CCSAP: variants seen among roughly 807,000 people sequenced by gnomAD.
The protein encoded by CCSAP is centriole, cilia and spindle-associated protein.
In CCSAP, 17 loss-of-function variants were observed where a neutral mutation model predicts 25.9. That is an observed-to-expected ratio of 0.66 (90% CI 0.45 to 0.99). The LOEUF (loss-of-function observed/expected upper bound fraction) is 0.99, where lower values mean the gene tolerates loss of function less well. Ranked by LOEUF, CCSAP falls within the 50% of genes least tolerant of loss-of-function variation. The pLI is 0.00. For synonymous variants in CCSAP, 169 were observed against 157.1 expected, an observed-to-expected ratio of 1.08 and a Z score of -0.57; for missense variants, 339 against 367.8, an observed-to-expected ratio of 0.92 and a Z score of 0.64.
In CCSAP at chr1:229,327,362, T is replaced by G. The variant is rs1232039568; in HGVS notation, c.368-356A>C. The G allele has an allele frequency of 1.4e-5, 5 of 362,188 alleles. No homozygotes were observed. The Admixed American group carries it at 1.4e-4, about 10-fold the overall frequency. The allele number at this position is 362,188 out of a possible 1,614,324, so 22.4% of individuals were successfully genotyped here. On this transcript the variant is annotated intron_variant, in intron 2 of 3. Coordinates refer to ENST00000284617, the MANE Select transcript of CCSAP (RefSeq NM_145257.5). ...ATAAATCCAATCATCTCAATTTTGC[T>G]TTCCTTCACGGAAAGATCTGGATTT...
intron 2 of CCSAP, among the ~76,000 whole-genome samples, chr1:229,337,259 C>A: frequency 6.7e-6 from 1 of 149,872 alleles, no homozygotes; most frequent in African/African-American, 2.5e-5. Context: ...AAGTTTCCAA[C>A]AAAACAACAA....
At chr1:229,333,259 C>G (rs151461) in intron 2 of CCSAP, among the ~76,000 whole-genome samples, 8 of 151,796 alleles carry the variant, frequency 5.3e-5, no homozygotes, top group South Asian at 2.1e-4. Flanking sequence ...GGTGAAACCC[C>G]GTCTCTACTA....
chr1:229,322,613 T>C lies in CCSAP; in HGVS notation c.*2622A>G, dbSNP rs1657851949. 6.6e-6 allele frequency: 1 copy of C among 152,174 alleles called. No individual in the cohort carries two copies. The highest frequency in any genetic ancestry group is 1.5e-5 in the Non-Finnish European group (1 of 68,016). 9.4% of individuals were successfully genotyped at this position (152,174 alleles called of 1,614,324 possible). Reference sequence around the variant, plus strand: ...GAAATTTTAGGGGGGAGAACACACATAACATACATATAACCAGAGGTGCCA... The same window carrying C: ...GAAATTTTAGGGGGGAGAACACACACAACATACATATAACCAGAGGTGCCA... On this transcript the variant is annotated 3_prime_UTR_variant, in exon 4 of 4. Transcript: ENST00000284617.
At chr1:229,338,024 T>C (rs1167462279) in intron 2 of CCSAP, among the ~76,000 whole-genome samples, 1 of 151,262 alleles carries the variant, frequency 6.6e-6, no homozygotes, top group Admixed American at 6.6e-5. Context: ...CAGAATATAT[T>C]ACATGGCTCA....
chr1:229,339,003 A>G (rs1658268331), intron 2 of CCSAP, among the ~76,000 whole-genome samples: 1 of 151,982 alleles, frequency 6.6e-6, no homozygotes, highest in African/African-American at 2.4e-5. Context: ...ACAATAAAAG[A>G]TGAAAATCTG....
At chr1:229,341,777 C>CA (rs1658339171) in intron 2 of CCSAP, among the ~76,000 whole-genome samples, 2 of 152,026 alleles carry the variant, frequency 1.3e-5, no homozygotes, top group African/African-American at 4.8e-5. Flanking sequence ...AGATGGGACT[C>CA]AGTGGTTCGC....
Position 229,322,642 on chromosome 1 carries a change from A to AT in CCSAP, c.*2592dup, listed in dbSNP as rs1372302081. The AT allele has an allele frequency of 6.6e-6, 1 of 152,210 alleles. No homozygotes were observed. Among genetic ancestry groups the AT allele is most frequent in the Non-Finnish European group, 1.5e-5 (1 of 68,032 alleles). The allele number at this position is 152,210 out of a possible 1,614,324, so 9.4% of individuals were successfully genotyped here. A position where few individuals can be genotyped will look rare whatever the true frequency, so the allele number is the denominator to read the frequency against. On this transcript the variant is annotated 3_prime_UTR_variant, in exon 4 of 4. Coordinates refer to ENST00000284617, the MANE Select transcript of CCSAP (RefSeq NM_145257.5). ...ATACATATAACCAGAGGTGCCAAGT[A>AT]TTTTAACATCTCCTAACTAAGGGCA...
rs374954717 is a variant in CCSAP, at chr1:229,342,205, C to T, written c.261G>A (p.Pro87=). 1 of 1,257,880 alleles carries T rather than the reference C, an allele frequency of 7.9e-7. No individual in the cohort carries two copies. The allele number at this position is 1,257,880 out of a possible 1,614,324, so 77.9% of individuals were successfully genotyped here. A position where few individuals can be genotyped will look rare whatever the true frequency, so the allele number is the denominator to read the frequency against. The change falls in exon 2 of 4, where the codon CCG becomes CCA. Residue 87 remains proline, a synonymous_variant. Coordinates refer to ENST00000284617, the MANE Select transcript of CCSAP (RefSeq NM_145257.5). This position sits in a 1 kb window ranked among gnomAD's most constrained non-coding sequence, Gnocchi z 7.5. ...GCCGTTCCGCCTCCTCCTGGGTCGC[C>T]GGCTCTACGGGCGGCGGGGGCGAGG... ...APPSPPPPVE[P]ATQEEAERRA... is the part of the protein sequence containing the mutation.
chr1:229,327,171 A>AT, intron 2 of CCSAP, 165 bp from the exon 3 acceptor site: 1 of 588,972 alleles, frequency 1.7e-6, no homozygotes, highest in Non-Finnish European at 2.8e-6. Context: ...AGTTAGCATA[A>AT]TTTTCAAACC....
chr1:229,325,204 T>C lies in CCSAP; in HGVS notation c.*31A>G. 1.9e-6 allele frequency: 3 copies of C among 1,552,844 alleles called. No individual in the cohort carries two copies. The highest frequency in any genetic ancestry group is 1.7e-4 in the Middle Eastern group (1 of 5,796). On this transcript the variant is annotated 3_prime_UTR_variant, in exon 4 of 4. Coordinates refer to ENST00000284617, the MANE Select transcript of CCSAP (RefSeq NM_145257.5). ...TTTTTCCTTTCAGTCATTTACACTT[T>C]TTAAAAGAGGCTGTCCACGCAAGTG...
intron 2 of CCSAP, among the ~76,000 whole-genome samples, chr1:229,332,127 G>C (rs1455025082): frequency 6.6e-6 from 1 of 152,160 alleles, no homozygotes; most frequent in Non-Finnish European, 1.5e-5. Flanking sequence ...ACAGGCGTGA[G>C]CCACTGCGCC....
At chr1:229,338,568 C>G (rs577460735) in intron 2 of CCSAP, among the ~76,000 whole-genome samples, 15 of 150,788 alleles carry the variant, frequency 9.9e-5, no homozygotes, top group Non-Finnish European at 1.8e-4. Context: ...CACACACACA[C>G]ACACACAGAA....
intron 3 of CCSAP, 145 bp downstream of exon 3, chr1:229,326,593 T>C (rs1480922071): frequency 4.3e-6 from 4 of 930,582 alleles, no homozygotes; most frequent in Middle Eastern, 3.4e-4. Context: ...CATTCTGGAG[T>C]TCCCCAACCC....
chr1:229,338,538 A>AATACACAC (rs112991384), intron 2 of CCSAP, among the ~76,000 whole-genome samples: 22 of 141,906 alleles, frequency 1.6e-4, no homozygotes, highest in African/African-American at 5.0e-4. Context: ...CCCAAACCCC[A>AATACACAC]ACACACACAC....
At chr1:229,327,553 C>T (rs1291712731) in intron 2 of CCSAP, 1 of 456,262 alleles carries the variant, frequency 2.2e-6, no homozygotes, top group Non-Finnish European at 4.4e-6. Context: ...CGCAGCCAGG[C>T]ATTCCCTGTG....
intron 2 of CCSAP, among the ~76,000 whole-genome samples, chr1:229,335,968 A>T (rs1658186899): frequency 6.6e-6 from 1 of 152,098 alleles, no homozygotes; most frequent in African/African-American, 2.4e-5. Flanking sequence ...AATACAAATT[A>T]AAAATATAGT....
chr1:229,331,520 T>A (rs1471420137), intron 2 of CCSAP, among the ~76,000 whole-genome samples: 3 of 152,140 alleles, frequency 2.0e-5, no homozygotes, highest in African/African-American at 7.2e-5. Flanking sequence ...TTGTCCATAG[T>A]TCGTGGCTCC....
intron 2 of CCSAP, among the ~76,000 whole-genome samples, chr1:229,337,441 C>T (rs1256116144): frequency 1.3e-5 from 2 of 151,478 alleles, no homozygotes; most frequent in East Asian, 3.9e-4. Context: ...ATAATAAAGG[C>T]ATTTTCAGAT....
rs1253290370 is a variant in CCSAP at position 229,323,438 on chromosome 1, T to TAACA, written c.*1793_*1796dup. 2.0e-5 allele frequency: 3 copies of TAACA among 152,236 alleles called. No homozygotes were observed. The East Asian group carries it at 5.8e-4, about 29-fold the overall frequency. 9.4% of individuals were successfully genotyped at this position (152,236 alleles called of 1,614,324 possible). ...GCAACACAAGCCTGAGCTGGATGAC[T>TAACA]AACACCGAACATGCAAGAAGCGACT... is the stretch of plus-strand genomic sequence containing the variant. On this transcript the variant is annotated 3_prime_UTR_variant, in exon 4 of 4. Coordinates refer to ENST00000284617, the MANE Select transcript of CCSAP (RefSeq NM_145257.5).
Sources: gnomAD v4.1 joint callset for allele counts (sites outside exome capture counted in the v4.1 genomes callset) on GRCh38, gnomAD v4.1.1 for gene constraint, Gnocchi (gnomAD v3.1) non-coding constraint, MANE v1.5 for transcripts, NCBI Gene and HGNC (gene_info 2026-07-23, HGNC 2026-07-21) for gene names.